The following MGAT4A variants were observed in gnomAD, a reference collection of about 807,000 sequenced individuals.
MGAT4A encodes the protein N-acetylglucosaminyltransferase IVa.
In MGAT4A, 33 loss-of-function variants were observed where a neutral mutation model predicts 74.1. The ratio of observed to expected loss-of-function variants is 0.45; its 90% CI spans 0.34 to 0.60. The LOEUF (loss-of-function observed/expected upper bound fraction) is 0.60. MGAT4A is among the 20% of genes least tolerant of loss of function. The pLI is 0.02. For missense variants in MGAT4A, 479 were observed against 628.3 expected (o/e 0.76, Z 2.54); for synonymous variants, 198 against 210.4 (o/e 0.94, Z 0.51).
At chr2:98,646,461 C>T (rs555699636) in intron 8 of MGAT4A, among the ~76,000 whole-genome samples, 7 of 151,910 alleles carry the variant, frequency 4.6e-5, no homozygotes, top group Non-Finnish European at 7.4e-5. Context: ...CCCAGCACTT[C>T]GGGGGGCCCA....
Position 98,620,119 on chromosome 2 carries a change from A to T in MGAT4A, c.*5447T>A, listed in dbSNP as rs573733185. The stretch of plus-strand genomic sequence containing the variant: ...TGAAGGAGTGTTTCAGGTAAGAAGA[A>T]GAGTTTATATATAGGTGTTGATACA... On this transcript the variant is annotated 3_prime_UTR_variant, in exon 16 of 16. Coordinates refer to ENST00000393487, the MANE Select transcript of MGAT4A (RefSeq NM_012214.3). 1 of 152,328 alleles carries T rather than the reference A, an allele frequency of 6.6e-6. No individual in the cohort carries two copies. The highest frequency in any genetic ancestry group is 2.1e-4 in the South Asian group (1 of 4,834). The allele number at this position is 152,328 out of a possible 1,614,324, so 9.4% of individuals were successfully genotyped here.
intron 14 of MGAT4A, among the ~76,000 whole-genome samples, chr2:98,628,730 T>C (rs1478739275): frequency 1.3e-5 from 2 of 152,230 alleles, no homozygotes; most frequent in African/African-American, 2.4e-5. Context: ...GCCACAATGC[T>C]CAAAATCTAC....
intron 2 of MGAT4A, among the ~76,000 whole-genome samples, chr2:98,718,055 G>A (rs768203695): frequency 2.0e-5 from 3 of 152,228 alleles, no homozygotes; most frequent in Non-Finnish European, 2.9e-5. Context: ...TTCGTCTGGT[G>A]TTTCTGTTAT....
chr2:98,699,924 C>T (rs149692255), intron 2 of MGAT4A, among the ~76,000 whole-genome samples: 1,722 of 152,192 alleles, frequency 0.011, 17 homozygotes, highest in Middle Eastern at 0.031. Context: ...AGCACATGGC[C>T]CACCACATCT....
intron 4 of MGAT4A, among the ~76,000 whole-genome samples, chr2:98,667,296 C>T (rs546745200): frequency 2.0e-4 from 30 of 152,130 alleles, no homozygotes; most frequent in Middle Eastern, 3.4e-3. Flanking sequence ...GAGAGTGGGG[C>T]ACTGCCGAAA....
chr2:98,643,405 G>T (rs1701440626), intron 10 of MGAT4A, among the ~76,000 whole-genome samples: 1 of 152,118 alleles, frequency 6.6e-6, no homozygotes, highest in South Asian at 2.1e-4. Flanking sequence ...TCACTTACTT[G>T]ACTGCAACTA....
intron 14 of MGAT4A, among the ~76,000 whole-genome samples, chr2:98,630,933 G>C (rs1295038088): frequency 6.6e-6 from 1 of 152,126 alleles, no homozygotes; most frequent in African/African-American, 2.4e-5. Flanking sequence ...ATTAAGACAG[G>C]AAAGAAGAGA....
In MGAT4A at chr2:98,636,513, A is replaced by G. The variant is rs1407966725; in HGVS notation, c.1401+4T>C. 6 of 1,607,566 alleles carry G rather than the reference A, an allele frequency of 3.7e-6. No individual in the cohort carries two copies. In the African/African-American group the frequency reaches 5.3e-5, roughly 14 times the overall value. On this transcript the variant is annotated splice_donor_region_variant and intron_variant, in intron 13 of 15. Transcript: ENST00000393487. The stretch of plus-strand genomic sequence containing the variant: ...GGAAAGGTAAGAGGAAATAGCAGTC[A>G]TACCTTAAAAGGCAAAACTTCCACA...
At chr2:98,722,563 T>C (rs1702691106) in intron 2 of MGAT4A, among the ~76,000 whole-genome samples, 2 of 152,140 alleles carry the variant, frequency 1.3e-5, no homozygotes, top group Admixed American at 6.5e-5. Flanking sequence ...AGGACAGTAA[T>C]AGCTAAAGGG....
intron 2 of MGAT4A, among the ~76,000 whole-genome samples, chr2:98,678,896 T>C (rs1702016324): frequency 6.6e-6 from 1 of 152,310 alleles, no homozygotes; most frequent in African/African-American, 2.4e-5. Context: ...TATAATAATA[T>C]AATGAATATA....
intron 14 of MGAT4A, 127 bp downstream of exon 14, chr2:98,635,095 C>T (rs1178126293): frequency 6.0e-6 from 4 of 670,736 alleles, no homozygotes; most frequent in South Asian, 2.0e-5. Flanking sequence ...TACAACACAG[C>T]ACACATAAAA....
At position 98,656,338 on chromosome 2, in the gene MGAT4A, C is replaced by T. The variant is rs574140437; in HGVS notation, c.698+14G>A. On this transcript the variant is annotated intron_variant, in intron 7 of 15. Coordinates refer to ENST00000393487, the MANE Select transcript of MGAT4A (RefSeq NM_012214.3). ...ACTCACAAGTGTGGAGGATTTTAAA[C>T]GGCACATGCTCACCTTACTCTTTCT... 88 of 1,490,898 alleles carry T rather than the reference C, an allele frequency of 5.9e-5. No individual in the cohort carries two copies. The highest frequency in any genetic ancestry group is 1.7e-4 in the Middle Eastern group (1 of 5,834). 92.4% of individuals were successfully genotyped at this position (1,490,898 alleles called of 1,614,324 possible).
At chr2:98,720,126 A>G (rs538231097) in intron 2 of MGAT4A, among the ~76,000 whole-genome samples, 20 of 152,378 alleles carry the variant, frequency 1.3e-4, no homozygotes, top group African/African-American at 4.3e-4. Flanking sequence ...TGAAAAGTAC[A>G]ATAGAAGTAA....
chr2:98,690,292 A>G (rs1702178007), intron 2 of MGAT4A, among the ~76,000 whole-genome samples: 2 of 152,130 alleles, frequency 1.3e-5, no homozygotes, highest in Non-Finnish European at 2.9e-5. Context: ...ACCAGTAATG[A>G]GCCTCCTGGT....
intron 10 of MGAT4A, 102 bp downstream of exon 10, chr2:98,643,820 AT>A: frequency 8.5e-7 from 1 of 1,178,764 alleles, no homozygotes; most frequent in Non-Finnish European, 1.1e-6. Flanking sequence ...AAGAAGTTTT[AT>A]ATCACCTACC....
At chr2:98,727,028 T>A (rs1320149521) in intron 1 of MGAT4A, 1 of 152,246 alleles carries the variant, frequency 6.6e-6, no homozygotes, top group Non-Finnish European at 1.5e-5. Context: ...CTGTCATTAC[T>A]TACATGATTT....
At chr2:98,701,629 T>A (rs1217894883) in intron 2 of MGAT4A, among the ~76,000 whole-genome samples, 1 of 152,176 alleles carries the variant, frequency 6.6e-6, no homozygotes, top group Non-Finnish European at 1.5e-5. Context: ...GCTAGCCAAC[T>A]AAGCTGAACA....
At chr2:98,698,898 A>T (rs977872254) in intron 2 of MGAT4A, among the ~76,000 whole-genome samples, 1 of 152,164 alleles carries the variant, frequency 6.6e-6, no homozygotes, top group African/African-American at 2.4e-5. Flanking sequence ...TTATCTTGTT[A>T]ACTACACTAT....
chr2:98,654,755 C>T (rs919149591), intron 8 of MGAT4A, among the ~76,000 whole-genome samples: 1 of 152,074 alleles, frequency 6.6e-6, no homozygotes, highest in East Asian at 1.9e-4. Flanking sequence ...ACAATCCCTA[C>T]CAAAATTCCC....
Sources: allele counts gnomAD v4.1 joint callset (sites outside exome capture counted in the v4.1 genomes callset), GRCh38; gene constraint gnomAD v4.1.1; transcripts MANE v1.5; gene names NCBI Gene and HGNC (gene_info 2026-07-23, HGNC 2026-07-21).